SRP54: variants seen among roughly 807,000 people sequenced by gnomAD.
The protein encoded by SRP54 is signal recognition particle 54, also known as signal recognition particle subunit SRP54.
Under a neutral mutation model 64.8 loss-of-function variants are expected in SRP54, and 10 were observed. The ratio of observed to expected loss-of-function variants is 0.15; its 90% confidence interval spans 0.10 to 0.26. The LOEUF is 0.26. SRP54 is among the 10% of genes least tolerant of loss of function. SRP54 has a pLI of 1.00. For synonymous variants in SRP54, 193 were observed against 185.6 expected (o/e 1.04, Z -0.32); for missense variants, 325 against 613.7 (o/e 0.53, Z 4.97).
At chr14:34,986,012 T>G (rs967694021) in intron 1 of SRP54, among the ~76,000 whole-genome samples, 1 of 152,204 alleles carries the variant, frequency 6.6e-6, no homozygotes, top group Non-Finnish European at 1.5e-5. Context: ...TCGTTTTAAT[T>G]TTCTTCTTGG....
chr14:35,010,507 A>T (rs955895094), intron 7 of SRP54, among the ~76,000 whole-genome samples: 4 of 152,074 alleles, frequency 2.6e-5, no homozygotes, highest in Non-Finnish European at 5.9e-5. Context: ...TGGCTCATGC[A>T]TGTGATCCCA....
intron 1 of SRP54, among the ~76,000 whole-genome samples, chr14:34,986,705 C>T (rs1317333381): frequency 1.3e-5 from 2 of 151,858 alleles, no homozygotes; most frequent in African/African-American, 2.4e-5. Flanking sequence ...TAGTGAAAAC[C>T]CATCTCTACT....
intron 1 of SRP54, among the ~76,000 whole-genome samples, chr14:34,986,127 T>G (rs2043891600): frequency 6.7e-6 from 1 of 149,928 alleles, no homozygotes. Flanking sequence ...TGTTGCTAAT[T>G]GACTTTTTTT....
chr14:34,988,356 G>C (rs1220864597), intron 1 of SRP54, among the ~76,000 whole-genome samples: 2 of 150,928 alleles, frequency 1.3e-5, no homozygotes, highest in Admixed American at 6.7e-5. Context: ...GAGGTCAAGA[G>C]GTCGAGACCA....
chr14:35,017,477 T>C (rs1450406479), intron 11 of SRP54, among the ~76,000 whole-genome samples: 1 of 152,212 alleles, frequency 6.6e-6, no homozygotes, highest in Admixed American at 6.5e-5. Context: ...AATGGCCAAA[T>C]ATGTATTTCA....
chr14:34,995,590 C>T (rs746127671), intron 1 of SRP54, among the ~76,000 whole-genome samples: 2 of 152,114 alleles, frequency 1.3e-5, no homozygotes, highest in African/African-American at 4.8e-5. Flanking sequence ...TAAGCCCTTG[C>T]ATCCTTACAA....
intron 10 of SRP54, among the ~76,000 whole-genome samples, chr14:35,014,290 T>TTTTTTCTTTTTTTTTTTTTG (rs376712278): frequency 1.6e-5 from 2 of 127,284 alleles, no homozygotes; most frequent in Non-Finnish European, 3.3e-5. Context: ...TTTTTTTTTT[T>TTTTTTCTTTTTTTTTTTTTG]TTTTGAGACG....
chr14:34,983,253 G>C (rs372820782), intron 1 of SRP54, 38 bp downstream of exon 1: 2 of 152,350 alleles, frequency 1.3e-5, no homozygotes, highest in East Asian at 3.8e-4. Flanking sequence ...ACTACGGAGG[G>C]GGAGCGAGGG....
intron 1 of SRP54, among the ~76,000 whole-genome samples, chr14:34,994,447 A>G (rs1258830045): frequency 3.9e-5 from 6 of 152,148 alleles, no homozygotes; most frequent in Non-Finnish European, 7.4e-5. Context: ...TATTGTTCAT[A>G]TTGGAAAATT....
chr14:34,987,263 G>A (rs1442318093), intron 1 of SRP54, among the ~76,000 whole-genome samples: 215 of 98,102 alleles, frequency 2.2e-3, no homozygotes, highest in African/African-American at 6.3e-3. Flanking sequence ...ATATATATGT[G>A]TGTGTGTGTG....
chr14:35,013,359 T>G lies in SRP54; in HGVS notation c.650T>G (p.Ile217Ser). 6.2e-7 allele frequency: 1 copy of G among 1,613,404 alleles called. No homozygotes were observed. The highest frequency in any genetic ancestry group is 8.5e-7 in the Non-Finnish European group (1 of 1,179,796). The change falls in exon 9 of 16, where the codon ATT (isoleucine) becomes AGT (serine). Residue 217 changes from isoleucine (I) to serine (S), a missense_variant. Ile to Ser is a moderately radical substitution (Grantham distance 142, BLOSUM62 -2). Around this residue, in one of 3 missense-constraint regions of SRP54, gnomAD observed 156 missense variants for 254.6 expected, o/e 0.61. Coordinates refer to ENST00000216774, the MANE Select transcript of SRP54 (RefSeq NM_003136.4). ...TAAACTTTCTAGCAACCTGATAACA[T>G]TGTTTATGTGATGGATGCCTCCATT... is the stretch of plus-strand genomic sequence containing the variant. ...QVANAIQPDN[I>S]VYVMDASIGQ... is the part of the protein sequence containing the mutation.
intron 1 of SRP54, among the ~76,000 whole-genome samples, chr14:34,985,803 C>G (rs2043886233): frequency 1.3e-5 from 2 of 152,160 alleles, no homozygotes; most frequent in Non-Finnish European, 1.5e-5. Context: ...AGCTACTCCC[C>G]CTAAAACTTT....
intron 4 of SRP54, among the ~76,000 whole-genome samples, chr14:35,006,559 G>A (rs2044261369): frequency 6.6e-6 from 1 of 151,240 alleles, no homozygotes; most frequent in Non-Finnish European, 1.5e-5. Flanking sequence ...TAGATGTATT[G>A]GGGTAGATAC....
At chr14:35,010,814 G>A (rs2044344880) in intron 7 of SRP54, among the ~76,000 whole-genome samples, 1 of 151,836 alleles carries the variant, frequency 6.6e-6, no homozygotes, top group African/African-American at 2.4e-5. Flanking sequence ...TTGGAAAAAC[G>A]TCAAATGTCT....
At position 35,008,675 on chromosome 14, in the gene SRP54, G is replaced by A. The variant is rs761089126; in HGVS notation, c.409G>A (p.Ala137Thr). ...AGGTTGGAAGACCTGTTTAATATGT[G>A]CAGACACATTCAGAGCAGGTAATGT... Reference protein sequence around the residue: ...RKGWKTCLICADTFRAGAFDQ... With the variant: ...RKGWKTCLICTDTFRAGAFDQ... The change falls in exon 6 of 16, where the codon GCA becomes ACA. Residue 137 changes from alanine to threonine, a missense_variant. Ala to Thr is a moderately conservative substitution (Grantham distance 58). Coordinates refer to ENST00000216774, the MANE Select transcript of SRP54 (RefSeq NM_003136.4). 1 of 1,607,432 alleles carries A rather than the reference G, an allele frequency of 6.2e-7. No individual in the cohort carries two copies. Among genetic ancestry groups the A allele is most frequent in the Non-Finnish European group, 8.5e-7 (1 of 1,177,484 alleles).
At chr14:35,025,435 A>G (rs2044606110) in intron 14 of SRP54, among the ~76,000 whole-genome samples, 1 of 152,206 alleles carries the variant, frequency 6.6e-6, no homozygotes, top group Non-Finnish European at 1.5e-5. Flanking sequence ...AATTCCTACC[A>G]TCACATGCTA....
chr14:34,990,048 G>A (rs2043957361), intron 1 of SRP54, among the ~76,000 whole-genome samples: 1 of 152,130 alleles, frequency 6.6e-6, no homozygotes, highest in African/African-American at 2.4e-5. Context: ...TCACACTGCA[G>A]CAAGTAAGTG....
chr14:34,989,956 A>G (rs1433021515), intron 1 of SRP54, among the ~76,000 whole-genome samples: 1 of 152,174 alleles, frequency 6.6e-6, no homozygotes, highest in African/African-American at 2.4e-5. Context: ...AACTTGCCCA[A>G]AGTAACACAG....
At chr14:34,996,898 C>A in intron 2 of SRP54, 111 bp downstream of exon 2, 1 of 762,356 alleles carries the variant, frequency 1.3e-6, no homozygotes. Flanking sequence ...AGACTTAATA[C>A]TTGTAGATAA....
Sources: allele counts gnomAD v4.1 joint callset (sites outside exome capture counted in the v4.1 genomes callset), GRCh38; gene constraint gnomAD v4.1.1; regional missense constraint gnomAD v4.1.1; transcripts MANE v1.5; gene names NCBI Gene and HGNC (gene_info 2026-07-23, HGNC 2026-07-21).